The following HDAC1 variants were observed in gnomAD, a reference collection of about 807,000 sequenced individuals.
HDAC1 encodes histone deacetylase 1, also known as protein deacetylase HDAC1.
In HDAC1, 18 loss-of-function variants were observed where a neutral mutation model predicts 65.5. The observed-to-expected ratio is 0.27, with a 90% CI of 0.19 to 0.41. The LOEUF (loss-of-function observed/expected upper bound fraction) is 0.41, where lower values mean the gene tolerates loss of function less well. Ranked by LOEUF, HDAC1 falls within the 10% of genes least tolerant of loss-of-function variation. The pLI is 1.00. For missense variants in HDAC1, 373 were observed against 625.2 expected, an observed-to-expected ratio of 0.60 and a Z score of 4.30; for synonymous variants, 211 against 227.9, an observed-to-expected ratio of 0.93 and a Z score of 0.67.
chr1:32,329,000 C>T (rs1404573844), intron 6 of HDAC1, 68 bp from the exon 7 acceptor site: 1 of 942,956 alleles, frequency 1.1e-6, no homozygotes, highest in East Asian at 2.4e-5. Flanking sequence ...TTTATCCCTC[C>T]AGCCCCTATC....
At chr1:32,313,040 A>G (rs1349506285) in intron 2 of HDAC1, among the ~76,000 whole-genome samples, 1 of 151,964 alleles carries the variant, frequency 6.6e-6, no homozygotes, top group Non-Finnish European at 1.5e-5. Context: ...TAGGAATCTG[A>G]ACACATTCTG....
chr1:32,311,073 G>A (rs183697911), intron 2 of HDAC1, among the ~76,000 whole-genome samples: 195 of 152,350 alleles, frequency 1.3e-3, no homozygotes, highest in African/African-American at 4.5e-3. Flanking sequence ...GTCAAAAAAA[G>A]TGGTAGCCCA....
chr1:32,292,349 C>T, intron 1 of HDAC1, 131 bp downstream of exon 1: 2 of 1,496,840 alleles, frequency 1.3e-6, no homozygotes, highest in Admixed American at 2.1e-5. Context: ...GAGGAGGCTG[C>T]GAGGGGGAAG....
At position 32,333,019 on chromosome 1, in the gene HDAC1, T is replaced by G; in HGVS notation, c.1424T>G (p.Val475Gly). 1 of 1,613,708 alleles carries G rather than the reference T, an allele frequency of 6.2e-7. No homozygotes were observed. The part of the protein sequence containing the change: ...TKEEKPEAKG[V>G]KEEVKLA ...GCCAGTCTCTGCTCTCTCCACAGGG[T>G]CAAGGAGGAGGTCAAGTTGGCCTGA... The change falls in exon 14 of 14, where the codon GTC becomes GGC. Residue 475 changes from valine (V) to glycine (G), a missense_variant and splice_region_variant. Val to Gly is a moderately radical substitution (Grantham distance 109). This residue lies in a region of HDAC1 where 126 missense variants were observed against 126.2 expected (regional missense o/e 1.00). Transcript: ENST00000373548.
At chr1:32,332,909 G>A in intron 13 of HDAC1, 108 bp from the exon 14 acceptor site, 1 of 1,268,216 alleles carries the variant, frequency 7.9e-7, no homozygotes, top group Non-Finnish European at 1.1e-6. Context: ...AGAGCTAGGA[G>A]CCCCAGCCCC....
intron 3 of HDAC1, 44 bp from the exon 4 acceptor site, chr1:32,324,433 ACT>A (rs1553158492): frequency 2.3e-6 from 3 of 1,319,378 alleles, no homozygotes; most frequent in Non-Finnish European, 3.3e-6. Flanking sequence ...AAATATGTAA[ACT>A]AAAGGAAATT....
chr1:32,324,926 A>G (rs1241727381), intron 4 of HDAC1, among the ~76,000 whole-genome samples: 1 of 152,124 alleles, frequency 6.6e-6, no homozygotes, highest in Non-Finnish European at 1.5e-5. Flanking sequence ...TGGTCACACC[A>G]CTACACTCTA....
intron 2 of HDAC1, among the ~76,000 whole-genome samples, chr1:32,306,094 A>G (rs1232634867): frequency 7.2e-5 from 11 of 152,072 alleles, no homozygotes. Flanking sequence ...TTTATATTAT[A>G]GTAAGTCTTG....
rs1641285597 is a variant in HDAC1 at position 32,331,123 on chromosome 1, T to C, written c.979+215T>C. 6.6e-6 allele frequency among the ~76,000 whole-genome samples: 1 copy of C among 152,150 alleles called. No individual in the cohort carries two copies. Among genetic ancestry groups the C allele is most frequent in the South Asian group, 2.1e-4 (1 of 4,826 alleles). On this transcript the variant is annotated intron_variant, in intron 9 of 13. Transcript: ENST00000373548. This position sits in a 1 kb window ranked among gnomAD's most constrained non-coding sequence, Gnocchi z 4.2. ...TCTCCCCTCTCCCTCCTGCTTTTGG[T>C]CTGGACAAAGTTCTCATTGGTAATT...
intron 4 of HDAC1, among the ~76,000 whole-genome samples, chr1:32,326,386 A>C (rs923826950): frequency 1.3e-5 from 2 of 152,034 alleles, no homozygotes; most frequent in African/African-American, 4.8e-5. Flanking sequence ...GCTGGTATCG[A>C]ACTCTTGACC....
chr1:32,321,191 A>G (rs1641137890), intron 3 of HDAC1, among the ~76,000 whole-genome samples: 1 of 151,230 alleles, frequency 6.6e-6, no homozygotes, highest in South Asian at 2.1e-4. Flanking sequence ...ACATTGCGCC[A>G]CTGCACTCCA....
At chr1:32,295,500 G>A (rs1640757498) in intron 1 of HDAC1, among the ~76,000 whole-genome samples, 1 of 152,158 alleles carries the variant, frequency 6.6e-6, no homozygotes, top group African/African-American at 2.4e-5. Context: ...TTTGGTGTCT[G>A]GTGAGGGTCT....
intron 4 of HDAC1, among the ~76,000 whole-genome samples, chr1:32,326,385 G>C (rs955300840): frequency 6.6e-6 from 1 of 151,934 alleles, no homozygotes; most frequent in Admixed American, 6.6e-5. Flanking sequence ...GGCTGGTATC[G>C]AACTCTTGAC....
Position 32,331,979 on chromosome 1 carries a change from T to C in HDAC1, c.1220-111T>C. On this transcript the variant is annotated intron_variant, in intron 11 of 13. Transcript: ENST00000373548. This position sits in a 1 kb window ranked among gnomAD's most constrained non-coding sequence, Gnocchi z 4.2. ...AGCCCGAGTTCCTCCCTCTTCTGGTTCCCTTTCCCTTGGTGTCTCTTGGAG... is the reference window on the plus strand; with the variant it reads ...AGCCCGAGTTCCTCCCTCTTCTGGTCCCCTTTCCCTTGGTGTCTCTTGGAG... 1 of 1,408,786 alleles carries C rather than the reference T, an allele frequency of 7.1e-7. No individual in the cohort carries two copies. The highest frequency in any genetic ancestry group is 9.5e-7 in the Non-Finnish European group (1 of 1,054,464). The allele number at this position is 1,408,786 out of a possible 1,614,324, so 87.3% of individuals were successfully genotyped here. A position where few individuals can be genotyped will look rare whatever the true frequency, so the allele number is the denominator to read the frequency against.
Position 32,327,322 on chromosome 1 carries a change from C to A in HDAC1, c.495-214C>A, listed in dbSNP as rs1258727213. On this transcript the variant is annotated intron_variant, in intron 5 of 13. Coordinates refer to ENST00000373548, the MANE Select transcript of HDAC1 (RefSeq NM_004964.3). This position sits in a 1 kb window ranked among gnomAD's most constrained non-coding sequence, Gnocchi z 6.0. The stretch of plus-strand genomic sequence containing the variant: ...GTGTCCCTGTGTGGCTGGAGTTGAC[C>A]CTGGCTGTAGAGTAGGAAGATCGGA... The A allele has an allele frequency of 1.6e-6, 1 of 618,206 alleles. No individual in the cohort carries two copies. Among genetic ancestry groups the A allele is most frequent in the Non-Finnish European group, 2.8e-6 (1 of 351,516 alleles). 38.3% of individuals were successfully genotyped at this position (618,206 alleles called of 1,614,324 possible).
At chr1:32,318,378 T>C (rs1195977071) in intron 3 of HDAC1, among the ~76,000 whole-genome samples, 3 of 151,886 alleles carry the variant, frequency 2.0e-5, no homozygotes, top group East Asian at 3.9e-4. Flanking sequence ...CTGGGCAACA[T>C]AGTGAGACCC....
At chr1:32,324,579 G>C (rs1641191194) in intron 4 of HDAC1, 26 bp downstream of exon 4, 7 of 1,481,746 alleles carry the variant, frequency 4.7e-6, no homozygotes, top group African/African-American at 1.4e-5. Context: ...CTTCTCCCCA[G>C]GGGTAGACTG....
At chr1:32,311,237 G>A (rs1640986963) in intron 2 of HDAC1, among the ~76,000 whole-genome samples, 1 of 152,134 alleles carries the variant, frequency 6.6e-6, no homozygotes, top group African/African-American at 2.4e-5. Flanking sequence ...GGAAGCCAAG[G>A]CCAGCAGATC....
At chr1:32,308,491 G>GGTTTT (rs755633621) in intron 2 of HDAC1, among the ~76,000 whole-genome samples, 1 of 152,050 alleles carries the variant, frequency 6.6e-6, no homozygotes, top group Admixed American at 6.6e-5. Context: ...TTTGTGTATG[G>GGTTTT]GTTTTGTTTT....
Sources: allele counts gnomAD v4.1 joint callset (sites outside exome capture counted in the v4.1 genomes callset), GRCh38; gene constraint gnomAD v4.1.1; regional missense constraint gnomAD v4.1.1; non-coding constraint Gnocchi (gnomAD v3.1); transcripts MANE v1.5; gene names NCBI Gene and HGNC (gene_info 2026-07-23, HGNC 2026-07-21).